Variants in BAZ2B observed in about 807,000 individuals in gnomAD.
The protein encoded by BAZ2B is bromodomain adjacent to zinc finger domain protein 2B.
In BAZ2B, 91 loss-of-function variants were observed where a neutral mutation model predicts 246.0. That is an observed-to-expected ratio of 0.37 (90% CI 0.31 to 0.44). BAZ2B has a LOEUF of 0.44. BAZ2B is among the 20% of genes least tolerant of loss of function. BAZ2B has a pLI of 1.00. For missense variants in BAZ2B, 2,332 were observed against 2,533.7 expected (o/e 0.92, Z 1.71); for synonymous variants, 855 against 860.0 (o/e 0.99, Z 0.10).
At chr2:159,646,451 C>T in the BAZ2B span, among the ~76,000 whole-genome samples, 1 of 152,022 alleles carries the variant, frequency 6.6e-6, no homozygotes, top group Non-Finnish European at 1.5e-5. Context: ...CAATATACAT[C>T]CTTCTCAGCT....
intron 4 of BAZ2B, among the ~76,000 whole-genome samples, chr2:159,449,728 C>T (rs1285936498): frequency 1.3e-5 from 2 of 152,104 alleles, no homozygotes; most frequent in Non-Finnish European, 2.9e-5. Context: ...AATAACTATA[C>T]AAAAGCATTG....
At chr2:159,699,987 G>C in the BAZ2B span, among the ~76,000 whole-genome samples, 12 of 152,268 alleles carry the variant, frequency 7.9e-5, no homozygotes, top group Admixed American at 6.5e-4. Flanking sequence ...AAAGAAGACA[G>C]TGAACCCACT....
intron 2 of BAZ2B, among the ~76,000 whole-genome samples, chr2:159,548,638 A>C (rs887397883): frequency 5.3e-5 from 8 of 152,202 alleles, no homozygotes; most frequent in Non-Finnish European, 1.2e-4. Context: ...TCAAAATTAA[A>C]AATATTTAAT....
At chr2:159,353,006 T>C (rs757474247) in intron 27 of BAZ2B, among the ~76,000 whole-genome samples, 13 of 152,212 alleles carry the variant, frequency 8.5e-5, no homozygotes, top group Non-Finnish European at 1.3e-4. Flanking sequence ...TCAATAAATA[T>C]TCCTTGATAA....
chr2:159,423,664 C>T (rs1343833212), intron 13 of BAZ2B, among the ~76,000 whole-genome samples: 1 of 152,186 alleles, frequency 6.6e-6, no homozygotes, highest in Non-Finnish European at 1.5e-5. Flanking sequence ...GGTATATATA[C>T]ACCCAGGAAT....
rs375976261 is a variant in BAZ2B, at chr2:159,382,663, C to T, written c.3901G>A (p.Asp1301Asn). 19 of 1,602,960 alleles carry T rather than the reference C, an allele frequency of 1.2e-5. No homozygotes were observed. The highest frequency in any genetic ancestry group is 1.5e-5 in the Non-Finnish European group (18 of 1,173,404). The change falls in exon 25 of 37, where the codon GAT becomes AAT. Residue 1301 changes from aspartate to asparagine, a missense_variant. Physicochemically the swap from Asp to Asn is conservative, Grantham distance 23 (BLOSUM62 1). Transcript: ENST00000392783. Reference protein sequence around the residue: ...RRKGGDSDYDDDDDDDSDDQG... With the variant: ...RRKGGDSDYDNDDDDDSDDQG... ...TCATCACTGTCATCGTCATCATCATCGTCATAATCACTGTCTCCTCCCTTC... is the reference window on the plus strand; with the variant it reads ...TCATCACTGTCATCGTCATCATCATTGTCATAATCACTGTCTCCTCCCTTC...
At chr2:159,472,256 G>A (rs2077897049) in intron 3 of BAZ2B, among the ~76,000 whole-genome samples, 1 of 152,156 alleles carries the variant, frequency 6.6e-6, no homozygotes, top group South Asian at 2.1e-4. Context: ...TTGGCTGTTT[G>A]TCTATTATTG....
chr2:159,454,171 A>T (rs1209309532), intron 3 of BAZ2B, among the ~76,000 whole-genome samples: 1 of 152,158 alleles, frequency 6.6e-6, no homozygotes, highest in Non-Finnish European at 1.5e-5. Context: ...AATAAAAAAC[A>T]TCCTATTAAT....
intron 1 of BAZ2B, among the ~76,000 whole-genome samples, chr2:159,594,889 T>C (rs1027175017): frequency 6.6e-6 from 1 of 152,124 alleles, no homozygotes; most frequent in Non-Finnish European, 1.5e-5. Flanking sequence ...TGCCTTAGCC[T>C]CCCAAAGTGC....
At chr2:159,679,555 A>G in the BAZ2B span, among the ~76,000 whole-genome samples, 1 of 152,162 alleles carries the variant, frequency 6.6e-6, no homozygotes, top group African/African-American at 2.4e-5. Context: ...AATGTAGGTG[A>G]TTTAACATTA....
chr2:159,603,491 TC>T, intron 1 of BAZ2B, among the ~76,000 whole-genome samples: 1 of 152,288 alleles, frequency 6.6e-6, no homozygotes, highest in South Asian at 2.1e-4. Context: ...TGAAAGAGTA[TC>T]CCTCGTTCTA....
At chr2:159,695,736 T>C in the BAZ2B span, among the ~76,000 whole-genome samples, 1 of 152,086 alleles carries the variant, frequency 6.6e-6, no homozygotes, top group Admixed American at 6.6e-5. Context: ...TCCATTGATC[T>C]ATATATCTTT....
At chr2:159,640,508 C>A in the BAZ2B span, among the ~76,000 whole-genome samples, 4 of 152,008 alleles carry the variant, frequency 2.6e-5, no homozygotes, top group Non-Finnish European at 5.9e-5. Flanking sequence ...AATATATTCT[C>A]TAACCACATG....
chr2:159,348,137 A>T lies in BAZ2B; in HGVS notation c.5294-491T>A, dbSNP rs535127275. Among the ~76,000 whole-genome samples the T allele has an allele frequency of 1.2e-4, 18 of 151,746 alleles. No homozygotes were observed. In the South Asian group the frequency reaches 3.8e-3, roughly 32 times the overall value. On this transcript the variant is annotated intron_variant, in intron 30 of 36. Transcript: ENST00000392783. Reference sequence around the variant, plus strand: ...AGTTCGAGACCAGCCTGGGCAACATAGTGAGGCCCTGTCTCTACAAAAAAT... The same window carrying T: ...AGTTCGAGACCAGCCTGGGCAACATTGTGAGGCCCTGTCTCTACAAAAAAT...
intron 2 of BAZ2B, among the ~76,000 whole-genome samples, chr2:159,509,441 G>C (rs777266859): frequency 3.9e-5 from 6 of 152,156 alleles, no homozygotes; most frequent in South Asian, 2.1e-4. Context: ...TTCACTTTAA[G>C]AGGTGGCTAT....
intron 10 of BAZ2B, among the ~76,000 whole-genome samples, 159 bp from the exon 11 acceptor site, chr2:159,429,419 A>G (rs938892594): frequency 6.6e-6 from 1 of 152,090 alleles, no homozygotes; most frequent in Non-Finnish European, 1.5e-5. Flanking sequence ...TCAATAAAAC[A>G]CTGTATAAGG....
chr2:159,450,726 T>G (rs2074963440), intron 4 of BAZ2B, among the ~76,000 whole-genome samples: 1 of 149,432 alleles, frequency 6.7e-6, no homozygotes, highest in African/African-American at 2.4e-5. Flanking sequence ...AACAGCATAG[T>G]AGCAACATTT....
intron 8 of BAZ2B, chr2:159,433,763 A>G (rs1405538164): frequency 1.2e-5 from 2 of 164,332 alleles, no homozygotes; most frequent in Non-Finnish European, 2.6e-5. Flanking sequence ...AGCCAGAAGC[A>G]TTCTTTGCCT....
At chr2:159,466,576 T>C (rs1448678478) in intron 3 of BAZ2B, among the ~76,000 whole-genome samples, 1 of 152,206 alleles carries the variant, frequency 6.6e-6, no homozygotes, top group Non-Finnish European at 1.5e-5. Flanking sequence ...CTAGAGACTA[T>C]AATTAGAGGT....
Sources: allele counts gnomAD v4.1 joint callset (sites outside exome capture counted in the v4.1 genomes callset), GRCh38; gene constraint gnomAD v4.1.1; transcripts MANE v1.5; gene names NCBI Gene and HGNC (gene_info 2026-07-23, HGNC 2026-07-21).